Variants in MCCC1 observed in about 807,000 individuals in gnomAD.
The protein encoded by MCCC1 is methylcrotonoyl-CoA carboxylase subunit alpha, mitochondrial.
A neutral mutation model predicts 83.8 loss-of-function variants in MCCC1; 64 were observed. That is an observed-to-expected ratio of 0.76 (90% confidence interval 0.62 to 0.94). The LOEUF (loss-of-function observed/expected upper bound fraction) is 0.94. Among genes scored for constraint, MCCC1 ranks in the 40% least tolerant of loss-of-function variants. MCCC1 has a pLI of 0.00. For synonymous variants in MCCC1, 322 were observed against 315.4 expected, an observed-to-expected ratio of 1.02 and a Z score of -0.22; for missense variants, 807 against 904.7, an observed-to-expected ratio of 0.89 and a Z score of 1.39.
chr3:183,092,662 T>G, intron 2 of MCCC1, 117 bp from the exon 3 acceptor site: 1 of 1,333,744 alleles, frequency 7.5e-7, no homozygotes, highest in Non-Finnish European at 1.0e-6. Context: ...AGGTTTTTGG[T>G]AAAACTAGCA....
intron 15 of MCCC1, among the ~76,000 whole-genome samples, chr3:183,024,268 A>G (rs1304968929): frequency 6.6e-6 from 1 of 152,176 alleles, no homozygotes; most frequent in Non-Finnish European, 1.5e-5. Flanking sequence ...AAAAAAAGAA[A>G]AAAAGATTAA....
At chr3:183,031,441 G>A (rs79574669) in intron 14 of MCCC1, among the ~76,000 whole-genome samples, 3,233 of 149,874 alleles carry the variant, frequency 0.022, 120 homozygotes, top group African/African-American at 0.076. Flanking sequence ...CATTCTCACT[G>A]TGGTCACTAG....
At chr3:183,081,370 G>T (rs2108543892) in intron 4 of MCCC1, among the ~76,000 whole-genome samples, 1 of 152,274 alleles carries the variant, frequency 6.6e-6, no homozygotes, top group African/African-American at 2.4e-5. Flanking sequence ...AGTATCTCTT[G>T]TCCTCCTTAA....
chr3:183,061,915 G>A (rs1204684408), intron 7 of MCCC1, among the ~76,000 whole-genome samples: 1 of 152,216 alleles, frequency 6.6e-6, no homozygotes, highest in Non-Finnish European at 1.5e-5. Context: ...ATCCCCATGT[G>A]TGGTGGGAGG....
upstream of MCCC1, among the ~76,000 whole-genome samples, chr3:183,102,784 T>G (rs1475177737): frequency 2.8e-3 from 329 of 115,602 alleles, 10 homozygotes; most frequent in African/African-American, 0.011. Flanking sequence ...TTTTTTTTTT[T>G]TTTTTTTTTT....
intron 9 of MCCC1, among the ~76,000 whole-genome samples, chr3:183,051,376 A>G (rs1298140568): frequency 6.6e-6 from 1 of 152,194 alleles, no homozygotes; most frequent in Non-Finnish European, 1.5e-5. Flanking sequence ...ATGAAAAGAC[A>G]TGGAGGAAAC....
chr3:183,035,586 T>G (rs1306634019), intron 13 of MCCC1, among the ~76,000 whole-genome samples: 1 of 151,974 alleles, frequency 6.6e-6, no homozygotes, highest in Non-Finnish European at 1.5e-5. Flanking sequence ...ATCTGGAATC[T>G]GAACTGTTCC....
upstream of MCCC1, among the ~76,000 whole-genome samples, chr3:183,103,757 C>G (rs1162981804): frequency 6.6e-6 from 1 of 152,232 alleles, no homozygotes; most frequent in Non-Finnish European, 1.5e-5. Flanking sequence ...CACTCCTCAG[C>G]CCTTGGGTGG....
chr3:183,072,978 T>A (rs1390612069), intron 4 of MCCC1, among the ~76,000 whole-genome samples: 1 of 152,354 alleles, frequency 6.6e-6, no homozygotes, highest in African/African-American at 2.4e-5. Flanking sequence ...CCTAGCATAA[T>A]GTTTTCAAGG....
intron 1 of MCCC1, among the ~76,000 whole-genome samples, chr3:183,111,719 G>A (rs1190833592): frequency 6.6e-6 from 1 of 152,320 alleles, no homozygotes; most frequent in South Asian, 2.1e-4. Context: ...TTCAAAAAGC[G>A]TTTTAAATTT....
chr3:183,094,652 C>A, intron 1 of MCCC1, 47 bp from the exon 2 acceptor site: 1 of 1,554,464 alleles, frequency 6.4e-7, no homozygotes, highest in Non-Finnish European at 8.9e-7. Flanking sequence ...GAATAGGCAA[C>A]ACAATTGTTC....
intron 7 of MCCC1, among the ~76,000 whole-genome samples, chr3:183,060,314 C>T (rs2108509571): frequency 6.6e-6 from 1 of 152,282 alleles, no homozygotes; most frequent in East Asian, 1.9e-4. Context: ...GCATAATCCA[C>T]AATGGAAAGT....
chr3:183,020,800 C>T (rs765238581), intron 16 of MCCC1, among the ~76,000 whole-genome samples: 1 of 152,144 alleles, frequency 6.6e-6, no homozygotes, highest in Middle Eastern at 3.2e-3. Context: ...TGGCTCACGC[C>T]TGTAATCCCA....
chr3:183,016,613 A>C (rs189773917), intron 18 of MCCC1, among the ~76,000 whole-genome samples: 1 of 152,354 alleles, frequency 6.6e-6, no homozygotes, highest in East Asian at 1.9e-4. Flanking sequence ...AAATCTCCCC[A>C]GGTGACTGTA....
At chr3:183,049,809 A>G (rs79060571) in intron 9 of MCCC1, among the ~76,000 whole-genome samples, 10,721 of 152,242 alleles carry the variant, frequency 0.07, 1,129 homozygotes, top group African/African-American at 0.23. Context: ...CAATCTGTCA[A>G]AACTCCTACA....
At chr3:183,057,731 G>T (rs554040237) in intron 7 of MCCC1, among the ~76,000 whole-genome samples, 1 of 152,182 alleles carries the variant, frequency 6.6e-6, no homozygotes, top group East Asian at 1.9e-4. Context: ...AACTAGCCAG[G>T]CATGGTAGCA....
intron 5 of MCCC1, 57 bp from the exon 6 acceptor site, chr3:183,071,414 GA>G (rs2108526826): frequency 8.7e-6 from 14 of 1,611,382 alleles, no homozygotes; most frequent in Non-Finnish European, 3.4e-6. Context: ...TTTCATTCAA[GA>G]CAAACATAAA....
chr3:183,091,905 G>A (rs1718377606), intron 3 of MCCC1, among the ~76,000 whole-genome samples: 1 of 152,102 alleles, frequency 6.6e-6, no homozygotes, highest in African/African-American at 2.4e-5. Context: ...GGTCGTGGTG[G>A]AGGGCACCTA....
intron 7 of MCCC1, among the ~76,000 whole-genome samples, chr3:183,068,534 G>A (rs1178022121): frequency 6.6e-6 from 1 of 152,168 alleles, no homozygotes; most frequent in African/African-American, 2.4e-5. Context: ...AGCCCTTGGG[G>A]CTGCTCTGTC....
Sources: allele counts gnomAD v4.1 joint callset (sites outside exome capture counted in the v4.1 genomes callset), GRCh38; gene constraint gnomAD v4.1.1; transcripts MANE v1.5; gene names NCBI Gene and HGNC (gene_info 2026-07-23, HGNC 2026-07-21).